The following MAGI2 variants were observed in gnomAD, a reference collection of about 807,000 sequenced individuals.
The protein encoded by MAGI2 is membrane-associated guanylate kinase, WW and PDZ domain-containing protein 2.
MAGI2 carries 35 observed loss-of-function variants against 133.3 expected under a neutral mutation model. The ratio of observed to expected loss-of-function variants is 0.26; its 90% CI spans 0.20 to 0.35. The LOEUF (loss-of-function observed/expected upper bound fraction) is 0.35. MAGI2 is among the 10% of genes least tolerant of loss of function. The pLI is 1.00. For missense variants in MAGI2, 1,636 were observed against 1,863.4 expected, an observed-to-expected ratio of 0.88 and a Z score of 2.25; for synonymous variants, 729 against 710.6, an observed-to-expected ratio of 1.03 and a Z score of -0.41.
chr7:78,456,593 G>C (rs1257325878), intron 6 of MAGI2, among the ~76,000 whole-genome samples: 1 of 152,116 alleles, frequency 6.6e-6, no homozygotes, highest in African/African-American at 2.4e-5. Context: ...CACCTGCTAT[G>C]TGCTAGGACT....
chr7:79,225,902 G>A (rs1830811222), intron 1 of MAGI2, among the ~76,000 whole-genome samples: 1 of 152,110 alleles, frequency 6.6e-6, no homozygotes, highest in Non-Finnish European at 1.5e-5. Context: ...GAGCTGTTGG[G>A]AAAATAGTTA....
intron 2 of MAGI2, among the ~76,000 whole-genome samples, chr7:78,761,378 T>C (rs1189933078): frequency 6.6e-6 from 1 of 152,110 alleles, no homozygotes; most frequent in Non-Finnish European, 1.5e-5. Flanking sequence ...GACCATAACT[T>C]CATAAAAAGG....
At chr7:78,771,883 TGAGA>T (rs1357326375) in intron 2 of MAGI2, among the ~76,000 whole-genome samples, 2 of 152,230 alleles carry the variant, frequency 1.3e-5, no homozygotes, top group African/African-American at 2.4e-5. Context: ...TGCTTTGCTC[TGAGA>T]CAAATAATTT....
At chr7:79,264,144 C>T (rs896172490) in intron 1 of MAGI2, among the ~76,000 whole-genome samples, 6 of 152,166 alleles carry the variant, frequency 3.9e-5, no homozygotes, top group African/African-American at 1.4e-4. Flanking sequence ...TTTATACCTA[C>T]AGAACATCTC....
chr7:79,407,701 C>A (rs1263919317), intron 1 of MAGI2, among the ~76,000 whole-genome samples: 1 of 151,932 alleles, frequency 6.6e-6, no homozygotes, highest in East Asian at 1.9e-4. Flanking sequence ...TCTGTCCAGA[C>A]CTACAAATAT....
At chr7:78,774,290 C>A (rs926826792) in intron 2 of MAGI2, among the ~76,000 whole-genome samples, 1 of 152,150 alleles carries the variant, frequency 6.6e-6, no homozygotes, top group Non-Finnish European at 1.5e-5. Context: ...TATTTAGAAG[C>A]TGTTGTAGAG....
chr7:78,694,596 T>A (rs1030683136), intron 2 of MAGI2, among the ~76,000 whole-genome samples: 4 of 152,148 alleles, frequency 2.6e-5, no homozygotes, highest in Non-Finnish European at 5.9e-5. Flanking sequence ...AAGAGTTTCA[T>A]CTCCTAACAG....
chr7:78,019,372 C>T lies in MAGI2; in HGVS notation c.4311G>A (p.Pro1437=). 6.9e-7 allele frequency: 1 copy of T among 1,444,372 alleles called. No individual in the cohort carries two copies. The highest frequency in any genetic ancestry group is 9.1e-7 in the Non-Finnish European group (1 of 1,104,280). 89.5% of individuals were successfully genotyped at this position (1,444,372 alleles called of 1,614,324 possible). A position where few individuals can be genotyped will look rare whatever the true frequency, so the allele number is the denominator to read the frequency against. ...GGACGCTGGGCAGCTTGTCAGAACC[C>T]GGCACCTTCCAGGGCCCCGGCGCGA... The part of the protein sequence containing the change: ...AAVAPGPWKV[P]GSDKLPSVLK... Residue 1437 remains proline, a synonymous_variant, in exon 22 of 22, where the codon CCG becomes CCA. Transcript: ENST00000354212.
chr7:78,932,564 A>G (rs1270525868), intron 2 of MAGI2, among the ~76,000 whole-genome samples: 1 of 152,166 alleles, frequency 6.6e-6, no homozygotes, highest in African/African-American at 2.4e-5. Flanking sequence ...CATGTATTGA[A>G]ACAGTGGATC....
intron 1 of MAGI2, among the ~76,000 whole-genome samples, chr7:79,346,110 A>G (rs1453848348): frequency 6.6e-6 from 1 of 152,082 alleles, no homozygotes; most frequent in Non-Finnish European, 1.5e-5. Context: ...TTGAGGGAAA[A>G]GTAATATCCA....
chr7:79,022,114 A>G (rs1252412493), intron 1 of MAGI2, among the ~76,000 whole-genome samples: 1 of 152,108 alleles, frequency 6.6e-6, no homozygotes, highest in Admixed American at 6.5e-5. Flanking sequence ...AGTCAATTAA[A>G]CCTCTTTCCT....
At chr7:78,469,756 A>C (rs1356302635) in intron 6 of MAGI2, among the ~76,000 whole-genome samples, 2 of 152,114 alleles carry the variant, frequency 1.3e-5, no homozygotes, top group Non-Finnish European at 2.9e-5. Context: ...CTGATATTCC[A>C]ATTTAGAATC....
chr7:78,294,105 A>G (rs1045056037), intron 9 of MAGI2, among the ~76,000 whole-genome samples: 2 of 152,150 alleles, frequency 1.3e-5, no homozygotes, highest in Admixed American at 1.3e-4. Context: ...TCTTTAGGAA[A>G]TACTTGCCAT....
At chr7:79,127,843 C>T (rs576755879) in intron 1 of MAGI2, among the ~76,000 whole-genome samples, 1 of 152,298 alleles carries the variant, frequency 6.6e-6, no homozygotes, top group South Asian at 2.1e-4. Flanking sequence ...GTTGCCATTG[C>T]TTTTGGTGTT....
chr7:78,841,648 G>A lies in MAGI2; in HGVS notation c.418+165442C>T, dbSNP rs1200784177. On this transcript the variant is annotated intron_variant, in intron 2 of 21. Transcript: ENST00000354212. ...ACTGAATATCTAACTGATGCCTAAC[G>A]CTAAATTACACAAAACTAAACATTA... Among the ~76,000 whole-genome samples the A allele has an allele frequency of 2.6e-5, 4 of 151,850 alleles. No individual in the cohort carries two copies. In the East Asian group the frequency reaches 5.8e-4, roughly 22 times the overall value.
chr7:78,707,803 A>G lies in MAGI2; in HGVS notation c.419-80564T>C, dbSNP rs1029452948. Among the ~76,000 whole-genome samples, 4 of 152,106 alleles carry G rather than the reference A, an allele frequency of 2.6e-5. No individual in the cohort carries two copies. In the East Asian group the frequency reaches 7.7e-4, roughly 29 times the overall value. ...GATTTCATTACTATTTGGCAAAAACATTCTCTACCCTGATTTTACTCTCAT... is the reference window on the plus strand; with the variant it reads ...GATTTCATTACTATTTGGCAAAAACGTTCTCTACCCTGATTTTACTCTCAT... On this transcript the variant is annotated intron_variant, in intron 2 of 21. Transcript: ENST00000354212.
chr7:78,739,692 T>C (rs1446967646), intron 2 of MAGI2, among the ~76,000 whole-genome samples: 1 of 152,194 alleles, frequency 6.6e-6, no homozygotes, highest in Non-Finnish European at 1.5e-5. Flanking sequence ...GTTTTCTTCT[T>C]AAAGCCTCGT....
At chr7:78,676,050 T>C (rs1340359917) in intron 2 of MAGI2, among the ~76,000 whole-genome samples, 1 of 152,264 alleles carries the variant, frequency 6.6e-6, no homozygotes, top group East Asian at 1.9e-4. Context: ...CTTGCTAGCT[T>C]TGGACAAGGG....
chr7:78,592,823 A>ACT (rs1804156110), intron 3 of MAGI2, among the ~76,000 whole-genome samples: 1 of 103,818 alleles, frequency 9.6e-6, no homozygotes, highest in African/African-American at 3.6e-5. Context: ...AAAATTACTG[A>ACT]TTCTCTTTTT....
Sources: gnomAD v4.1 joint callset for allele counts (sites outside exome capture counted in the v4.1 genomes callset) on GRCh38, gnomAD v4.1.1 for gene constraint, MANE v1.5 for transcripts, NCBI Gene and HGNC (gene_info 2026-07-23, HGNC 2026-07-21) for gene names.